ARRDC4: variants seen among roughly 807,000 people sequenced by gnomAD.
ARRDC4 encodes the protein arrestin domain-containing protein 4.
Under a neutral mutation model 44.6 loss-of-function variants are expected in ARRDC4, and 40 were observed. The ratio of observed to expected loss-of-function variants is 0.90; its 90% CI spans 0.70 to 1.17. ARRDC4 has a LOEUF of 1.17. ARRDC4 is among the 50% of genes most tolerant of loss of function. ARRDC4 has a pLI of 0.00. For missense variants in ARRDC4, 550 were observed against 559.1 expected (o/e 0.98, Z 0.16); for synonymous variants, 211 against 221.2 (o/e 0.95, Z 0.41).
Position 97,973,694 on chromosome 15 carries a change from T to C in ARRDC4, c.*2507T>C, listed in dbSNP as rs1043296333. 7.2e-5 allele frequency: 11 copies of C among 152,600 alleles called. No homozygotes were observed. 9.5% of individuals were successfully genotyped at this position (152,600 alleles called of 1,614,324 possible). On this transcript the variant is annotated 3_prime_UTR_variant, in exon 8 of 8. Coordinates refer to ENST00000268042, the MANE Select transcript of ARRDC4 (RefSeq NM_183376.3). Reference sequence around the variant, plus strand: ...AGTAAGAAACAATAGGCAAGCGTTATGTTTTTGGTAAGTTAACTATGAAAG... The same window carrying C: ...AGTAAGAAACAATAGGCAAGCGTTACGTTTTTGGTAAGTTAACTATGAAAG...
At chr15:97,969,850 CTT>C (rs1182715194) in intron 5 of ARRDC4, 31 bp from the exon 6 acceptor site, 4 of 1,470,594 alleles carry the variant, frequency 2.7e-6, no homozygotes, top group South Asian at 1.3e-5. Context: ...ACATTTGTTC[CTT>C]TCTCTTTTTT....
chr15:97,963,719 G>A (rs900924482), intron 1 of ARRDC4, among the ~76,000 whole-genome samples: 1 of 152,092 alleles, frequency 6.6e-6, no homozygotes, highest in Non-Finnish European at 1.5e-5. Flanking sequence ...TCCTCCCCCG[G>A]TCTCTTTGAG....
chr15:97,961,284 G>A, intron 1 of ARRDC4, 116 bp downstream of exon 1: 1 of 988,990 alleles, frequency 1.0e-6, no homozygotes, highest in Non-Finnish European at 1.3e-6. Context: ...GCGGGCTTCC[G>A]GGGGTGGGGT....
chr15:97,970,138 G>T lies in ARRDC4; in HGVS notation c.1045+93G>T. 1 of 1,290,812 alleles carries T rather than the reference G, an allele frequency of 7.7e-7. No individual in the cohort carries two copies. Among genetic ancestry groups the T allele is most frequent in the Non-Finnish European group, 1.1e-6 (1 of 947,776 alleles). 80.0% of individuals were successfully genotyped at this position (1,290,812 alleles called of 1,614,324 possible). Reference sequence around the variant, plus strand: ...CACTATTAAGTGCTCAGATGTTGATGAGTACTGCTACTATAGGTATCTTTA... The same window carrying T: ...CACTATTAAGTGCTCAGATGTTGATTAGTACTGCTACTATAGGTATCTTTA... On this transcript the variant is annotated intron_variant, in intron 6 of 7. Coordinates refer to ENST00000268042, the MANE Select transcript of ARRDC4 (RefSeq NM_183376.3). The surrounding 1 kb of genome is among the most constrained non-coding windows in gnomAD (Gnocchi z 4.2).
chr15:97,968,894 A>G lies in ARRDC4; in HGVS notation c.626-229A>G, dbSNP rs1476543144. Among the ~76,000 whole-genome samples, 7 of 152,226 alleles carry G rather than the reference A, an allele frequency of 4.6e-5. No homozygotes were observed. Among genetic ancestry groups the G allele is most frequent in the Non-Finnish European group, 1.5e-5 (1 of 68,036 alleles). On this transcript the variant is annotated intron_variant, in intron 4 of 7. Coordinates refer to ENST00000268042, the MANE Select transcript of ARRDC4 (RefSeq NM_183376.3). This position sits in a 1 kb window ranked among gnomAD's most constrained non-coding sequence, Gnocchi z 5.4. The stretch of plus-strand genomic sequence containing the variant: ...TACATATCTTTAGAATTGCTAATGC[A>G]ATATTGCTACTTTAGAAAAGTCAAT...
rs1899536813 is a variant in ARRDC4 at position 97,972,730 on chromosome 15, T to C, written c.*1543T>C. 1 of 152,598 alleles carries C rather than the reference T, an allele frequency of 6.6e-6. No individual in the cohort carries two copies. The highest frequency in any genetic ancestry group is 6.6e-5 in the Admixed American group (1 of 15,258). 9.5% of individuals were successfully genotyped at this position (152,598 alleles called of 1,614,324 possible). A position where few individuals can be genotyped will look rare whatever the true frequency, so the allele number is the denominator to read the frequency against. On this transcript the variant is annotated 3_prime_UTR_variant, in exon 8 of 8. Transcript: ENST00000268042. The surrounding 1 kb of genome is among the most constrained non-coding windows in gnomAD (Gnocchi z 5.3). ...ACTGTACTTCATTTAACAGAATGATTGATTTTTCTTTCAATCAGCATGTTC... is the reference window on the plus strand; with the variant it reads ...ACTGTACTTCATTTAACAGAATGATCGATTTTTCTTTCAATCAGCATGTTC...
At chr15:97,963,611 A>G (rs1169832354) in intron 1 of ARRDC4, among the ~76,000 whole-genome samples, 1 of 152,036 alleles carries the variant, frequency 6.6e-6, no homozygotes, top group Non-Finnish European at 1.5e-5. Flanking sequence ...TCCAGCCCTC[A>G]GGTCCTGAAG....
intron 1 of ARRDC4, among the ~76,000 whole-genome samples, chr15:97,962,120 A>C (rs1170307505): frequency 6.6e-6 from 1 of 152,116 alleles, no homozygotes; most frequent in Non-Finnish European, 1.5e-5. Flanking sequence ...AATGGTATGC[A>C]CCTCCTCTCC....
Position 97,965,620 on chromosome 15 carries a change from C to A in ARRDC4, c.328C>A (p.Gln110Lys). The A allele has an allele frequency of 6.2e-7, 1 of 1,612,620 alleles. No individual in the cohort carries two copies. Among genetic ancestry groups the A allele is most frequent in the Non-Finnish European group, 8.5e-7 (1 of 1,178,694 alleles). ...PPAGEGIILL[Q>K]PGKHEFPFRF... The stretch of plus-strand genomic sequence containing the variant: ...TATAGGTGAAGGCATCATTTTATTA[C>A]AGCCTGGAAAACATGAATTTCCATT... The change falls in exon 2 of 8, where the codon CAG (glutamine) becomes AAG (lysine). Residue 110 changes from glutamine (Q) to lysine (K), a missense_variant. Physicochemically the swap from Gln to Lys is moderately conservative, Grantham distance 53 (BLOSUM62 1). Coordinates refer to ENST00000268042, the MANE Select transcript of ARRDC4 (RefSeq NM_183376.3). The surrounding 1 kb of genome is among the most constrained non-coding windows in gnomAD (Gnocchi z 5.1).
At chr15:97,969,855 T>TC in intron 5 of ARRDC4, 28 bp from the exon 6 acceptor site, 2 of 1,482,906 alleles carry the variant, frequency 1.3e-6, no homozygotes, top group South Asian at 1.3e-5. Flanking sequence ...TGTTCCTTTC[T>TC]CTTTTTTTTT....
Position 97,970,760 on chromosome 15 carries a change from A to G in ARRDC4, c.1200+17A>G. 1 of 1,601,868 alleles carries G rather than the reference A, an allele frequency of 6.2e-7. No homozygotes were observed. Among genetic ancestry groups the G allele is most frequent in the Non-Finnish European group, 8.5e-7 (1 of 1,173,464 alleles). On this transcript the variant is annotated intron_variant, in intron 7 of 7. Transcript: ENST00000268042. The surrounding 1 kb of genome is among the most constrained non-coding windows in gnomAD (Gnocchi z 4.2). Reference sequence around the variant, plus strand: ...TATTCAGAGGTAAGCAAAGCAAAAGAAAATTAGACTTTTACTGTATTATTT... The same window carrying G: ...TATTCAGAGGTAAGCAAAGCAAAAGGAAATTAGACTTTTACTGTATTATTT...
At position 97,971,026 on chromosome 15, in the gene ARRDC4, G is replaced by C. The variant is rs9652507; in HGVS notation, c.1201-105G>C. On this transcript the variant is annotated intron_variant, in intron 7 of 7. Transcript: ENST00000268042. ...TTAAGCACCTTCTGGGACTTACACA[G>C]GCTCTGACCAGCTTGGCATATAACC... 4,479 of 1,297,822 alleles carry C rather than the reference G, an allele frequency of 3.5e-3. 112 individuals are homozygous for C. In the African/African-American group the frequency reaches 0.056, roughly 16 times the overall value. The allele number at this position is 1,297,822 out of a possible 1,614,324, so 80.4% of individuals were successfully genotyped here. A position where few individuals can be genotyped will look rare whatever the true frequency, so the allele number is the denominator to read the frequency against.
At position 97,967,380 on chromosome 15, in the gene ARRDC4, A is replaced by T. The variant is rs1899435537; in HGVS notation, c.523-634A>T. Reference sequence around the variant, plus strand: ...AACTGAACATTGTAAATCTTGTAGTAACTTCTCTTGCCACTATAGAATAGA... The same window carrying T: ...AACTGAACATTGTAAATCTTGTAGTTACTTCTCTTGCCACTATAGAATAGA... On this transcript the variant is annotated intron_variant, in intron 3 of 7. Coordinates refer to ENST00000268042, the MANE Select transcript of ARRDC4 (RefSeq NM_183376.3). This position sits in a 1 kb window ranked among gnomAD's most constrained non-coding sequence, Gnocchi z 5.0. Among the ~76,000 whole-genome samples, 1 of 152,190 alleles carries T rather than the reference A, an allele frequency of 6.6e-6. No homozygotes were observed. Among genetic ancestry groups the T allele is most frequent in the Admixed American group, 6.5e-5 (1 of 15,274 alleles).
In ARRDC4 at chr15:97,972,516, C is replaced by G. The variant is rs376984222; in HGVS notation, c.*1329C>G. 6.9e-4 allele frequency: 105 copies of G among 152,678 alleles called. No homozygotes were observed. Among genetic ancestry groups the G allele is most frequent in the African/African-American group, 2.2e-3 (92 of 41,558 alleles). The allele number at this position is 152,678 out of a possible 1,614,324, so 9.5% of individuals were successfully genotyped here. A position where few individuals can be genotyped will look rare whatever the true frequency, so the allele number is the denominator to read the frequency against. On this transcript the variant is annotated 3_prime_UTR_variant, in exon 8 of 8. Transcript: ENST00000268042. The surrounding 1 kb of genome is among the most constrained non-coding windows in gnomAD (Gnocchi z 5.3). ...GCAGTGTTTTACCGTCCCCAGCCCC[C>G]CTCCCACATGGTCACATGTTCACTT...
At position 97,967,879 on chromosome 15, in the gene ARRDC4, A is replaced by G. The variant is rs1899443815; in HGVS notation, c.523-135A>G. 2 of 509,134 alleles carry G rather than the reference A, an allele frequency of 3.9e-6. No homozygotes were observed. Among genetic ancestry groups the G allele is most frequent in the Non-Finnish European group, 6.7e-6 (2 of 298,876 alleles). 31.5% of individuals were successfully genotyped at this position (509,134 alleles called of 1,614,324 possible). A position where few individuals can be genotyped will look rare whatever the true frequency, so the allele number is the denominator to read the frequency against. On this transcript the variant is annotated intron_variant, in intron 3 of 7. Coordinates refer to ENST00000268042, the MANE Select transcript of ARRDC4 (RefSeq NM_183376.3). This position sits in a 1 kb window ranked among gnomAD's most constrained non-coding sequence, Gnocchi z 5.0. Reference sequence around the variant, plus strand: ...GTGCATATTTGGCCTAATATGTTACATGAGGATAAGAAAGTTTGATTCATT... The same window carrying G: ...GTGCATATTTGGCCTAATATGTTACGTGAGGATAAGAAAGTTTGATTCATT...
Position 97,971,332 on chromosome 15 carries a change from A to G in ARRDC4, c.*145A>G. 1.2e-6 allele frequency: 1 copy of G among 828,492 alleles called. No individual in the cohort carries two copies. Among genetic ancestry groups the G allele is most frequent in the Non-Finnish European group, 1.9e-6 (1 of 525,950 alleles). 51.3% of individuals were successfully genotyped at this position (828,492 alleles called of 1,614,324 possible). ...AAGGCAATAGAAATTAAAGAATGTGAGAAAGTTCTGGTGGGCCGGCAGGAT... is the reference window on the plus strand; with the variant it reads ...AAGGCAATAGAAATTAAAGAATGTGGGAAAGTTCTGGTGGGCCGGCAGGAT... On this transcript the variant is annotated 3_prime_UTR_variant, in exon 8 of 8. Transcript: ENST00000268042.
At position 97,970,888 on chromosome 15, in the gene ARRDC4, T is replaced by C. The variant is rs528614364; in HGVS notation, c.1200+145T>C. On this transcript the variant is annotated intron_variant, in intron 7 of 7. Coordinates refer to ENST00000268042, the MANE Select transcript of ARRDC4 (RefSeq NM_183376.3). The surrounding 1 kb of genome is among the most constrained non-coding windows in gnomAD (Gnocchi z 4.2). ...TTGTTTATACAGTGGTAATAGATTA[T>C]CGCTGATTCATTTGCCAGATTTTTT... The C allele has an allele frequency of 1.9e-5, 21 of 1,079,454 alleles. No homozygotes were observed. The South Asian group carries it at 3.2e-4, about 17-fold the overall frequency. 66.9% of individuals were successfully genotyped at this position (1,079,454 alleles called of 1,614,324 possible).
rs1899416781 is a variant in ARRDC4 at position 97,966,126 on chromosome 15, G to A, written c.522+84G>A. On this transcript the variant is annotated intron_variant, in intron 3 of 7. Transcript: ENST00000268042. The surrounding 1 kb of genome is among the most constrained non-coding windows in gnomAD (Gnocchi z 4.7). ...CTTTCAACAGTGGGATCTATATTTA[G>A]CCAGTTTACTGGTAGTCTGTCCTGT... The A allele has an allele frequency of 6.8e-7, 1 of 1,473,324 alleles. No individual in the cohort carries two copies. The allele number at this position is 1,473,324 out of a possible 1,614,324, so 91.3% of individuals were successfully genotyped here.
rs1396630498 is a variant in ARRDC4, at chr15:97,968,721, T to C, written c.626-402T>C. 1.3e-5 allele frequency among the ~76,000 whole-genome samples: 2 copies of C among 150,384 alleles called. No individual in the cohort carries two copies. Among genetic ancestry groups the C allele is most frequent in the Non-Finnish European group, 3.0e-5 (2 of 67,170 alleles). ...TCTTTCTGTGCCTTAACATTATTAA[T>C]TCCTTAAAAGCAAAGGCTTTGTTCT... On this transcript the variant is annotated intron_variant, in intron 4 of 7. Coordinates refer to ENST00000268042, the MANE Select transcript of ARRDC4 (RefSeq NM_183376.3). This position sits in a 1 kb window ranked among gnomAD's most constrained non-coding sequence, Gnocchi z 5.4.
Sources: gnomAD v4.1 joint callset for allele counts (sites outside exome capture counted in the v4.1 genomes callset) on GRCh38, gnomAD v4.1.1 for gene constraint, Gnocchi (gnomAD v3.1) non-coding constraint, MANE v1.5 for transcripts, NCBI Gene and HGNC (gene_info 2026-07-23, HGNC 2026-07-21) for gene names.